Variants in DOCK8 observed in about 807,000 individuals in gnomAD.
DOCK8 encodes dedicator of cytokinesis 8.
DOCK8 carries 141 observed loss-of-function variants against 245.6 expected under a neutral mutation model. That is an observed-to-expected ratio of 0.57 (90% CI 0.50 to 0.66). The LOEUF (loss-of-function observed/expected upper bound fraction) is 0.66. Ranked by LOEUF, DOCK8 falls within the 30% of genes least tolerant of loss-of-function variation. The probability of loss-of-function intolerance (pLI) is 0.00; values close to 1 mark genes in which losing one functional copy is unlikely to be tolerated. For missense variants in DOCK8, 2,965 were observed against 2,603.4 expected (o/e 1.14, Z -3.02); for synonymous variants, 1,168 against 970.2 (o/e 1.20, Z -3.79).
Position 370,295 on chromosome 9 carries a change from T to C in DOCK8, c.1863T>C (p.His621=), listed in dbSNP as rs1057523014. 3.7e-6 allele frequency: 6 copies of C among 1,613,750 alleles called. No individual in the cohort carries two copies. The highest frequency in any genetic ancestry group is 1.1e-5 in the South Asian group (1 of 91,078). The change falls in exon 16 of 48, where the codon CAT becomes CAC. Residue 621 remains histidine, a synonymous_variant. Coordinates refer to ENST00000432829, the MANE Select transcript of DOCK8 (RefSeq NM_203447.4). ...LQEVYTAVTY[H]NKSPDFYEEV... ...AAGTGTACACAGCTGTTACATACCATAATAAGTAAGTCTATTTCAGCATTC... is the reference window on the plus strand; with the variant it reads ...AAGTGTACACAGCTGTTACATACCACAATAAGTAAGTCTATTTCAGCATTC...
At chr9:245,638 C>T (rs574845117) in intron 1 of DOCK8, among the ~76,000 whole-genome samples, 18 of 152,198 alleles carry the variant, frequency 1.2e-4, no homozygotes, top group African/African-American at 4.3e-4. Flanking sequence ...GGAGGCTGAC[C>T]CACACCCTAC....
At chr9:364,412 C>T (rs2052877543) in intron 14 of DOCK8, among the ~76,000 whole-genome samples, 1 of 152,064 alleles carries the variant, frequency 6.6e-6, no homozygotes, top group Non-Finnish European at 1.5e-5. Context: ...GCAGGAGTAT[C>T]ACTGAAGGCC....
intron 14 of DOCK8, among the ~76,000 whole-genome samples, chr9:347,841 G>C (rs1048803460): frequency 6.6e-6 from 1 of 152,120 alleles, no homozygotes; most frequent in Non-Finnish European, 1.5e-5. Context: ...AATTGCCTAA[G>C]GTTATGACAG....
chr9:377,810 A>G (rs977817492), intron 20 of DOCK8, among the ~76,000 whole-genome samples: 6 of 152,176 alleles, frequency 3.9e-5, no homozygotes, highest in African/African-American at 1.4e-4. Context: ...AGTCTATTTT[A>G]AATGCTTACT....
chr9:428,627 C>A, intron 35 of DOCK8, 131 bp downstream of exon 35: 1 of 1,185,686 alleles, frequency 8.4e-7, no homozygotes, highest in Non-Finnish European at 1.2e-6. Flanking sequence ...GGTCTTAAGT[C>A]TTCCTAGGAA....
chr9:410,964 T>G (rs138363209), intron 28 of DOCK8, among the ~76,000 whole-genome samples: 1 of 152,202 alleles, frequency 6.6e-6, no homozygotes, highest in Non-Finnish European at 1.5e-5. Flanking sequence ...AGCCATCAAA[T>G]TGATAACCTA....
Position 338,333 on chromosome 9 carries a change from C to T in DOCK8, c.1423-673C>T, listed in dbSNP as rs568525951. On this transcript the variant is annotated intron_variant, in intron 12 of 47. Coordinates refer to ENST00000432829, the MANE Select transcript of DOCK8 (RefSeq NM_203447.4). Reference sequence around the variant, plus strand: ...TGAAATGCAAAAGGGATGCTGAGGGCGCCTGTGCACCGTGCCACATCATAG... The same window carrying T: ...TGAAATGCAAAAGGGATGCTGAGGGTGCCTGTGCACCGTGCCACATCATAG... Among the ~76,000 whole-genome samples, 7 of 152,214 alleles carry T rather than the reference C, an allele frequency of 4.6e-5. 1 individual carries two copies. The South Asian group carries it at 6.2e-4, about 14-fold the overall frequency.
At chr9:330,141 A>G (rs963447590) in intron 9 of DOCK8, among the ~76,000 whole-genome samples, 1 of 152,252 alleles carries the variant, frequency 6.6e-6, no homozygotes, top group Non-Finnish European at 1.5e-5. Context: ...CAGGTGTTGC[A>G]TATAATACGG....
At position 286,322 on chromosome 9, in the gene DOCK8, C is replaced by G; in HGVS notation, c.157-139C>G. 4 of 942,100 alleles carry G rather than the reference C, an allele frequency of 4.2e-6. No homozygotes were observed. In the South Asian group the frequency reaches 6.7e-5, roughly 16 times the overall value. The allele number at this position is 942,100 out of a possible 1,614,324, so 58.4% of individuals were successfully genotyped here. On this transcript the variant is annotated intron_variant, in intron 2 of 47. Transcript: ENST00000432829. The stretch of plus-strand genomic sequence containing the variant: ...CTACTTCTGTGTTTGACAGCTCCTC[C>G]AAAGAGTCGCTCCGTTTTATGCCAG...
intron 28 of DOCK8, among the ~76,000 whole-genome samples, chr9:413,218 G>A (rs935747338): frequency 6.6e-6 from 1 of 152,138 alleles, no homozygotes; most frequent in African/African-American, 2.4e-5. Context: ...TCAAAAGAAT[G>A]AAGTTGGACC....
At chr9:236,640 G>A (rs2047255723) in intron 1 of DOCK8, among the ~76,000 whole-genome samples, 1 of 152,172 alleles carries the variant, frequency 6.6e-6, no homozygotes, top group Non-Finnish European at 1.5e-5. Flanking sequence ...GAGGCTTCTA[G>A]GTCCAGTATT....
At chr9:279,953 T>C (rs549616439) in intron 2 of DOCK8, among the ~76,000 whole-genome samples, 1 of 152,282 alleles carries the variant, frequency 6.6e-6, no homozygotes, top group East Asian at 1.9e-4. Flanking sequence ...ATTTGTGAAA[T>C]ATTGTTTAGA....
chr9:224,611 C>T (rs966248365), intron 1 of DOCK8, among the ~76,000 whole-genome samples: 1 of 152,140 alleles, frequency 6.6e-6, no homozygotes, highest in Non-Finnish European at 1.5e-5. Context: ...ATTCAGGACA[C>T]AGCCAAAACC....
chr9:427,146 A>G (rs1202154067), intron 34 of DOCK8, among the ~76,000 whole-genome samples, 165 bp downstream of exon 34: 1 of 152,264 alleles, frequency 6.6e-6, no homozygotes, highest in Non-Finnish European at 1.5e-5. Context: ...TCTACCTTAT[A>G]AATTCCAGAG....
intron 37 of DOCK8, 41 bp from the exon 38 acceptor site, chr9:433,834 C>A: frequency 6.6e-7 from 1 of 1,508,910 alleles, no homozygotes; most frequent in Non-Finnish European, 9.2e-7. Flanking sequence ...TCACCTGGGA[C>A]TACAAAGCTA....
In DOCK8 at chr9:316,803, T is replaced by C. The variant is rs11794296; in HGVS notation, c.742-240T>C. Among the ~76,000 whole-genome samples the C allele has an allele frequency of 0.22, 33,174 of 152,172 alleles. 3,971 individuals are homozygous for C. Among genetic ancestry groups the C allele is most frequent in the Non-Finnish European group, 0.26 (17,655 of 67,984 alleles). On this transcript the variant is annotated intron_variant, in intron 6 of 47. Transcript: ENST00000432829. ...ATGTTCACATTTCCTTCCTTCCTGC[T>C]TCAGTCTCTTTGTCTTGAATGCTTG...
At chr9:276,019 T>C (rs1343762327) in intron 2 of DOCK8, among the ~76,000 whole-genome samples, 1 of 152,070 alleles carries the variant, frequency 6.6e-6, no homozygotes, top group Non-Finnish European at 1.5e-5. Flanking sequence ...GCATCCTGAG[T>C]AGCTGGGATT....
At chr9:304,347 G>A (rs2049706968) in intron 4 of DOCK8, among the ~76,000 whole-genome samples, 1 of 152,074 alleles carries the variant, frequency 6.6e-6, no homozygotes, top group South Asian at 2.1e-4. Flanking sequence ...ATTTTCCCAG[G>A]CCATGCCTCC....
At position 414,849 on chromosome 9, in the gene DOCK8, C is replaced by A; in HGVS notation, c.3598C>A (p.Pro1200Thr). ...CCTGCTAAGTTCTCACGACCTGGAC[C>A]CACGCTGTGTCAAACCAGAGGTGAA... ...HSLLSSHDLD[P>T]RCVKPEVKVK... Residue 1200 changes from proline (P) to threonine (T), a missense_variant, in exon 29 of 48, where the codon CCA (proline) becomes ACA (threonine). Coordinates refer to ENST00000432829, the MANE Select transcript of DOCK8 (RefSeq NM_203447.4). 4.3e-6 allele frequency: 7 copies of A among 1,614,226 alleles called. No homozygotes were observed. The highest frequency in any genetic ancestry group is 5.9e-6 in the Non-Finnish European group (7 of 1,180,042).
Sources: gnomAD v4.1 joint callset for allele counts (sites outside exome capture counted in the v4.1 genomes callset) on GRCh38, gnomAD v4.1.1 for gene constraint, MANE v1.5 for transcripts, NCBI Gene and HGNC (gene_info 2026-07-23, HGNC 2026-07-21) for gene names.